Variants in PPP4R4 observed in about 807,000 individuals in gnomAD.
PPP4R4 encodes serine/threonine-protein phosphatase 4 regulatory subunit 4.
A neutral mutation model predicts 121.8 loss-of-function variants in PPP4R4; 70 were observed. The ratio of observed to expected loss-of-function variants is 0.57; its 90% CI spans 0.47 to 0.70. PPP4R4 has a LOEUF of 0.70. Ranked by LOEUF, PPP4R4 falls within the 30% of genes least tolerant of loss-of-function variation. PPP4R4 has a pLI of 0.00. For missense variants in PPP4R4, 875 were observed against 1,033.6 expected, an observed-to-expected ratio of 0.85 and a Z score of 2.10; for synonymous variants, 348 against 355.7, an observed-to-expected ratio of 0.98 and a Z score of 0.24.
chr14:94,259,336 G>C lies in PPP4R4; in HGVS notation c.2094G>C (p.Glu698Asp). ...ATGAGAAAGATTTGTTGGATCAAGAGAAAGAAAGAGAAGAACTACTTCTTT... is the reference window on the plus strand; with the variant it reads ...ATGAGAAAGATTTGTTGGATCAAGACAAAGAAAGAGAAGAACTACTTCTTT... ...KFYEKDLLDQ[E>D]KEREELLLLE... The change falls in exon 19 of 25, where the codon GAG (glutamate) becomes GAC (aspartate). Residue 698 changes from glutamate (E) to aspartate (D), a missense_variant. Transcript: ENST00000304338. 1.2e-6 allele frequency: 2 copies of C among 1,611,078 alleles called. No homozygotes were observed. The highest frequency in any genetic ancestry group is 1.7e-6 in the Non-Finnish European group (2 of 1,179,068).
chr14:94,250,203 G>C lies in PPP4R4; in HGVS notation c.1643G>C (p.Arg548Pro). The change falls in exon 15 of 25, where the codon CGA becomes CCA. Residue 548 changes from arginine to proline, a missense_variant. Physicochemically the swap from Arg to Pro is moderately radical, Grantham distance 103 (BLOSUM62 -2). Coordinates refer to ENST00000304338, the MANE Select transcript of PPP4R4 (RefSeq NM_058237.2). Reference sequence around the variant, plus strand: ...TTACCTGTCCAAAAGGCGGCTTCACGAACTCTATGCATTTTTCTGCGTTAT... The same window carrying C: ...TTACCTGTCCAAAAGGCGGCTTCACCAACTCTATGCATTTTTCTGCGTTAT... Reference protein sequence around the residue: ...NVLPVQKAASRTLCIFLRYNR... With the variant: ...NVLPVQKAASPTLCIFLRYNR... 2 of 1,612,370 alleles carry C rather than the reference G, an allele frequency of 1.2e-6. No homozygotes were observed. Among genetic ancestry groups the C allele is most frequent in the Non-Finnish European group, 1.7e-6 (2 of 1,178,790 alleles).
chr14:94,176,135 C>T lies in PPP4R4; in HGVS notation c.191+8C>T, dbSNP rs371025758. Reference sequence around the variant, plus strand: ...GGCTGTTTATCTGCTCAGGTATTTCCTAGTCTTTCTGTGAAATTGCTCTTC... The same window carrying T: ...GGCTGTTTATCTGCTCAGGTATTTCTTAGTCTTTCTGTGAAATTGCTCTTC... On this transcript the variant is annotated splice_region_variant and intron_variant, in intron 2 of 24. Transcript: ENST00000304338. 1.1e-5 allele frequency: 18 copies of T among 1,596,282 alleles called. No individual in the cohort carries two copies. The highest frequency in any genetic ancestry group is 5.4e-5 in the African/African-American group (4 of 74,536).
chr14:94,276,224 G>T (rs765152474), intron 24 of PPP4R4, among the ~76,000 whole-genome samples: 3 of 152,208 alleles, frequency 2.0e-5, no homozygotes, highest in Non-Finnish European at 4.4e-5. Flanking sequence ...GGTTGGAACA[G>T]ACTTTTAACA....
chr14:94,216,588 G>A (rs1474902106), intron 3 of PPP4R4, among the ~76,000 whole-genome samples: 1 of 152,186 alleles, frequency 6.6e-6, no homozygotes, highest in Non-Finnish European at 1.5e-5. Context: ...AGATTGGAGA[G>A]CATCTCCCTT....
intron 5 of PPP4R4, among the ~76,000 whole-genome samples, chr14:94,233,319 T>A (rs547033985): frequency 6.6e-6 from 1 of 152,258 alleles, no homozygotes; most frequent in Non-Finnish European, 1.5e-5. Flanking sequence ...TAAAAATACA[T>A]TTCAAGGTAT....
chr14:94,265,582 TC>T, intron 21 of PPP4R4, 109 bp downstream of exon 21: 1 of 1,001,138 alleles, frequency 1.0e-6, no homozygotes, highest in Non-Finnish European at 1.5e-6. Flanking sequence ...TATATCTCAT[TC>T]TAAAGCACTT....
At chr14:94,226,929 A>G (rs1463755549) in intron 3 of PPP4R4, among the ~76,000 whole-genome samples, 1 of 152,102 alleles carries the variant, frequency 6.6e-6, no homozygotes, top group Non-Finnish European at 1.5e-5. Flanking sequence ...ATGCTTTTCT[A>G]TATTGTGTAT....
At chr14:94,251,720 CTT>C (rs1223523724) in intron 15 of PPP4R4, 27 bp from the exon 16 acceptor site, 9 of 1,486,460 alleles carry the variant, frequency 6.1e-6, no homozygotes, top group Middle Eastern at 2.5e-4. Flanking sequence ...GAAAAATTAA[CTT>C]AAGATAATTT....
intron 7 of PPP4R4, among the ~76,000 whole-genome samples, chr14:94,237,122 A>T (rs185406401): frequency 3.3e-4 from 50 of 152,296 alleles, no homozygotes; most frequent in African/African-American, 8.9e-4. Context: ...TATAGAAATT[A>T]GTTACCATAA....
At chr14:94,251,518 A>G (rs1893177610) in intron 15 of PPP4R4, among the ~76,000 whole-genome samples, 1 of 152,106 alleles carries the variant, frequency 6.6e-6, no homozygotes, top group Non-Finnish European at 1.5e-5. Flanking sequence ...ATAAATGCTT[A>G]TGAAATTGAA....
At chr14:94,227,348 G>T (rs368833864) in intron 3 of PPP4R4, 7 of 1,611,712 alleles carry the variant, frequency 4.3e-6, no homozygotes, top group Non-Finnish European at 5.9e-6. Context: ...TTGTCCAGAG[G>T]GTGTGACTCT....
At chr14:94,252,320 A>G (rs1893230544) in intron 16 of PPP4R4, among the ~76,000 whole-genome samples, 1 of 152,198 alleles carries the variant, frequency 6.6e-6, no homozygotes, top group African/African-American at 2.4e-5. Flanking sequence ...AACTGCTTCA[A>G]AGTCTTCATC....
chr14:94,219,102 G>A, intron 3 of PPP4R4, among the ~76,000 whole-genome samples: 1 of 82,726 alleles, frequency 1.2e-5, no homozygotes, highest in South Asian at 4.2e-4. Flanking sequence ...TTTTTGAGAT[G>A]GAGTTTTGCT....
chr14:94,275,257 C>T (rs544750507), intron 23 of PPP4R4, 117 bp from the exon 24 acceptor site: 4 of 1,143,320 alleles, frequency 3.5e-6, no homozygotes, highest in African/African-American at 1.5e-5. Context: ...TAAATTATAC[C>T]CTCATAAAAT....
At chr14:94,186,640 AAT>A (rs1889302030) in intron 2 of PPP4R4, among the ~76,000 whole-genome samples, 3 of 152,154 alleles carry the variant, frequency 2.0e-5, no homozygotes, top group Admixed American at 2.0e-4. Flanking sequence ...CCATATAGTA[AAT>A]ATATGTTTAT....
At chr14:94,275,334 G>GTA (rs770263721) in intron 23 of PPP4R4, 40 bp from the exon 24 acceptor site, 1 of 1,604,194 alleles carries the variant, frequency 6.2e-7, no homozygotes, top group Non-Finnish European at 8.5e-7. Flanking sequence ...CTCTTTGTTA[G>GTA]TATATTTGGT....
At chr14:94,278,314 A>G (rs755050742) in intron 24 of PPP4R4, among the ~76,000 whole-genome samples, 1 of 152,156 alleles carries the variant, frequency 6.6e-6, no homozygotes, top group Non-Finnish European at 1.5e-5. Context: ...TGTAACTTCC[A>G]TTATGGTTAT....
At position 94,208,511 on chromosome 14, in the gene PPP4R4, T is replaced by A. The variant is rs1173442856; in HGVS notation, c.239T>A (p.Phe80Tyr). Reference sequence around the variant, plus strand: ...ACAAGTGTGATTGCAAATCTCCCATTTTTGATGCGACAGAATCCCACTGAG... The same window carrying A: ...ACAAGTGTGATTGCAAATCTCCCATATTTGATGCGACAGAATCCCACTGAG... Reference protein sequence around the residue: ...QGTSVIANLPFLMRQNPTETL... With the variant: ...QGTSVIANLPYLMRQNPTETL... Residue 80 changes from phenylalanine (F) to tyrosine (Y), a missense_variant, in exon 3 of 25, where the codon TTT becomes TAT. Physicochemically the swap from Phe to Tyr is conservative, Grantham distance 22. Coordinates refer to ENST00000304338, the MANE Select transcript of PPP4R4 (RefSeq NM_058237.2). 6.2e-7 allele frequency: 1 copy of A among 1,612,180 alleles called. No homozygotes were observed. Among genetic ancestry groups the A allele is most frequent in the East Asian group, 2.2e-5 (1 of 44,856 alleles).
At chr14:94,188,943 C>T (rs947306610) in intron 2 of PPP4R4, among the ~76,000 whole-genome samples, 1 of 151,964 alleles carries the variant, frequency 6.6e-6, no homozygotes, top group African/African-American at 2.4e-5. Context: ...GTCAGTTATG[C>T]CTCAATAAAA....
Sources: allele counts gnomAD v4.1 joint callset (sites outside exome capture counted in the v4.1 genomes callset), GRCh38; gene constraint gnomAD v4.1.1; transcripts MANE v1.5; gene names NCBI Gene and HGNC (gene_info 2026-07-23, HGNC 2026-07-21).